Variants in ANO6 observed in about 807,000 individuals in gnomAD.
ANO6 encodes the protein anoctamin 6.
A neutral mutation model predicts 117.5 loss-of-function variants in ANO6; 106 were observed. The observed-to-expected ratio is 0.90, with a 90% CI of 0.77 to 1.06. The LOEUF is 1.06. ANO6 is among the 50% of genes least tolerant of loss of function. The probability of loss-of-function intolerance (pLI) is 0.00; values close to 1 mark genes in which losing one functional copy is unlikely to be tolerated. For missense variants in ANO6, 955 were observed against 1,121.1 expected (o/e 0.85, Z 2.12); for synonymous variants, 367 against 385.1 (o/e 0.95, Z 0.55).
At chr12:45,383,114 T>G (rs1017411426) in intron 10 of ANO6, 9 of 207,010 alleles carry the variant, frequency 4.3e-5, no homozygotes, top group African/African-American at 2.1e-4. Flanking sequence ...TGTGATATTC[T>G]AAATCCTTTG....
chr12:45,342,933 G>A (rs1941022155), intron 3 of ANO6, among the ~76,000 whole-genome samples: 1 of 152,116 alleles, frequency 6.6e-6, no homozygotes, highest in Non-Finnish European at 1.5e-5. Context: ...AGAGATGAAA[G>A]GATAGACTTC....
chr12:45,297,548 A>G (rs760366559), intron 1 of ANO6, among the ~76,000 whole-genome samples: 14 of 152,210 alleles, frequency 9.2e-5, no homozygotes, highest in Non-Finnish European at 1.6e-4. Context: ...ACAAGTAATC[A>G]TGTGAACTGC....
At chr12:45,332,875 A>G (rs771106715) in intron 3 of ANO6, among the ~76,000 whole-genome samples, 2 of 152,056 alleles carry the variant, frequency 1.3e-5, no homozygotes, top group Non-Finnish European at 2.9e-5. Context: ...AGTTGTGCTC[A>G]TATGCTACTG....
chr12:45,372,777 T>C (rs1408126774), intron 9 of ANO6, among the ~76,000 whole-genome samples: 1 of 152,264 alleles, frequency 6.6e-6, no homozygotes, highest in Non-Finnish European at 1.5e-5. Context: ...GTAAAGACCA[T>C]AGAGACTAGG....
intron 8 of ANO6, among the ~76,000 whole-genome samples, chr12:45,365,774 C>T (rs1256491834): frequency 6.6e-6 from 1 of 152,150 alleles, no homozygotes; most frequent in African/African-American, 2.4e-5. Flanking sequence ...AGAGATTTAG[C>T]CAGTTTTCCT....
At chr12:45,327,583 T>A (rs1239478303) in intron 2 of ANO6, among the ~76,000 whole-genome samples, 2 of 152,160 alleles carry the variant, frequency 1.3e-5, no homozygotes, top group African/African-American at 4.8e-5. Context: ...ACACATGTTG[T>A]AAAGCTTTCT....
intron 1 of ANO6, among the ~76,000 whole-genome samples, chr12:45,268,182 C>T (rs1461658426): frequency 2.0e-5 from 3 of 151,064 alleles, no homozygotes; most frequent in Admixed American, 6.6e-5. Flanking sequence ...AGATTGTTTC[C>T]AGTTCCCCCA....
intron 1 of ANO6, among the ~76,000 whole-genome samples, chr12:45,273,009 A>G (rs1422552023): frequency 6.6e-6 from 1 of 152,224 alleles, no homozygotes; most frequent in South Asian, 2.1e-4. Context: ...TTGTGACAAC[A>G]TGGATGAACC....
intron 11 of ANO6, among the ~76,000 whole-genome samples, chr12:45,389,916 G>T (rs1409349252): frequency 5.3e-5 from 8 of 152,122 alleles, no homozygotes; most frequent in Admixed American, 5.2e-4. Context: ...CATGTAGAGG[G>T]TTGATTTCTA....
intron 2 of ANO6, among the ~76,000 whole-genome samples, chr12:45,305,930 C>T (rs1444432899): frequency 6.6e-6 from 1 of 151,946 alleles, no homozygotes; most frequent in Admixed American, 6.6e-5. Context: ...ACTGGAGGTG[C>T]AGGGGGAGCA....
intron 8 of ANO6, among the ~76,000 whole-genome samples, chr12:45,361,506 C>G (rs1941554181): frequency 6.6e-6 from 1 of 152,062 alleles, no homozygotes; most frequent in Non-Finnish European, 1.5e-5. Flanking sequence ...TTTACTTCTT[C>G]CTTTCCAATT....
At chr12:45,302,773 G>A (rs1939538294) in intron 2 of ANO6, among the ~76,000 whole-genome samples, 1 of 152,090 alleles carries the variant, frequency 6.6e-6, no homozygotes, top group South Asian at 2.1e-4. Context: ...TCATTTGGAG[G>A]GCGGGGATGG....
intron 8 of ANO6, among the ~76,000 whole-genome samples, chr12:45,360,232 T>C (rs1235142548): frequency 2.6e-5 from 4 of 152,226 alleles, no homozygotes; most frequent in Non-Finnish European, 4.4e-5. Context: ...TTGTAAAGAA[T>C]AGAAATCTAC....
intron 1 of ANO6, among the ~76,000 whole-genome samples, chr12:45,301,616 C>CAA (rs1225757195): frequency 1.8e-4 from 14 of 75,852 alleles, no homozygotes; most frequent in African/African-American, 2.9e-4. Flanking sequence ...GACCTTGTCT[C>CAA]AAAAAAAAAA....
rs926147060 is a variant in ANO6 at position 45,216,141 on chromosome 12, G to T, written c.-181G>T. 2.9e-5 allele frequency: 19 copies of T among 653,586 alleles called. No individual in the cohort carries two copies. The African/African-American group carries it at 3.2e-4, about 11-fold the overall frequency. 40.5% of individuals were successfully genotyped at this position (653,586 alleles called of 1,614,324 possible). A position where few individuals can be genotyped will look rare whatever the true frequency, so the allele number is the denominator to read the frequency against. ...AGGCGAGAGGCGTCCTCCGGCTCTG[G>T]GCTCCGGTCGGTGGGTGCCTCGGCT... On this transcript the variant is annotated 5_prime_UTR_variant, in exon 1 of 20. Transcript: ENST00000320560.
chr12:45,425,261 C>T (rs1318800480), intron 19 of ANO6, among the ~76,000 whole-genome samples: 2 of 152,094 alleles, frequency 1.3e-5, no homozygotes, highest in Admixed American at 1.3e-4. Flanking sequence ...GAAAAAATTA[C>T]TCCTGATATA....
At chr12:45,426,140 G>A (rs1032753705) in intron 19 of ANO6, among the ~76,000 whole-genome samples, 3 of 152,062 alleles carry the variant, frequency 2.0e-5, no homozygotes, top group Non-Finnish European at 4.4e-5. Flanking sequence ...ATACCTTTAC[G>A]CAAAATTTTT....
intron 9 of ANO6, among the ~76,000 whole-genome samples, chr12:45,374,753 A>T (rs1306624534): frequency 6.6e-6 from 1 of 151,178 alleles, no homozygotes; most frequent in Non-Finnish European, 1.5e-5. Context: ...TATCATACTG[A>T]ATGGGCAAAA....
chr12:45,378,528 G>C (rs574091235), intron 10 of ANO6, among the ~76,000 whole-genome samples: 1 of 152,056 alleles, frequency 6.6e-6, no homozygotes, highest in Non-Finnish European at 1.5e-5. Context: ...GCTAGCCCAG[G>C]AGTCTTGGTT....
Sources: allele counts gnomAD v4.1 joint callset (sites outside exome capture counted in the v4.1 genomes callset), GRCh38; gene constraint gnomAD v4.1.1; transcripts MANE v1.5; gene names NCBI Gene and HGNC (gene_info 2026-07-23, HGNC 2026-07-21).